Variants in RAP1GAP observed in about 807,000 individuals in gnomAD.
RAP1GAP encodes rap1 GTPase-activating protein 1.
Under a neutral mutation model 87.2 loss-of-function variants are expected in RAP1GAP, and 35 were observed. That is an observed-to-expected ratio of 0.40 (90% confidence interval 0.31 to 0.53). The LOEUF (loss-of-function observed/expected upper bound fraction) is 0.53, where lower values mean the gene tolerates loss of function less well. Ranked by LOEUF, RAP1GAP falls within the 20% of genes least tolerant of loss-of-function variation. The pLI, the probability that RAP1GAP is intolerant of heterozygous loss-of-function variation, is 0.48. For missense variants in RAP1GAP, 734 were observed against 898.9 expected (o/e 0.82, Z 2.35); for synonymous variants, 375 against 363.9 (o/e 1.03, Z -0.35).
At chr1:21,606,234 C>T (rs2074461470) in intron 17 of RAP1GAP, 37 bp from the exon 18 acceptor site, 2 of 1,554,212 alleles carry the variant, frequency 1.3e-6, no homozygotes, top group Non-Finnish European at 1.7e-6. Flanking sequence ...GCACAGGATT[C>T]CTAAGGGCCG....
chr1:21,626,843 C>G (rs554029641), intron 2 of RAP1GAP: 131 of 455,388 alleles, frequency 2.9e-4, no homozygotes, highest in Non-Finnish European at 5.1e-4. Flanking sequence ...GTGACCATAA[C>G]TGACGCTCAT....
intron 1 of RAP1GAP, among the ~76,000 whole-genome samples, chr1:21,662,351 A>AG (rs1253466222): frequency 3.3e-5 from 5 of 152,004 alleles, no homozygotes; most frequent in Non-Finnish European, 7.4e-5. Flanking sequence ...CTGTAAAACG[A>AG]GGGGGTTGGA....
chr1:21,617,928 G>A lies in RAP1GAP; in HGVS notation c.105+6C>T. ...TAAGGGTGGGCGCGGGGTTCTAGCT[G>A]AGTACCTCGTGCACGCTCGGGTATG... On this transcript the variant is annotated splice_donor_region_variant and intron_variant, in intron 6 of 24. Coordinates refer to ENST00000374765, the MANE Select transcript of RAP1GAP (RefSeq NM_002885.4). 7 of 1,614,144 alleles carry A rather than the reference G, an allele frequency of 4.3e-6. No homozygotes were observed. The highest frequency in any genetic ancestry group is 5.9e-6 in the Non-Finnish European group (7 of 1,180,014).
At chr1:21,620,725 C>T (rs747662) in intron 3 of RAP1GAP, among the ~76,000 whole-genome samples, 16 of 152,230 alleles carry the variant, frequency 1.1e-4, no homozygotes, top group South Asian at 8.3e-4. Flanking sequence ...TGGCCCGGCT[C>T]GGGGCTGGGC....
At chr1:21,604,079 C>T (rs1236036189) in intron 18 of RAP1GAP, among the ~76,000 whole-genome samples, 1 of 151,390 alleles carries the variant, frequency 6.6e-6, no homozygotes, top group East Asian at 1.9e-4. Context: ...GAGATAGGGC[C>T]GGGGAAAGGA....
intron 2 of RAP1GAP, chr1:21,626,818 C>T (rs968485672): frequency 9.0e-6 from 4 of 446,678 alleles, no homozygotes; most frequent in East Asian, 7.0e-5. Context: ...ACCGCTATTA[C>T]GAATGACAGT....
At chr1:21,652,237 C>T (rs2096636313) in intron 1 of RAP1GAP, among the ~76,000 whole-genome samples, 1 of 152,040 alleles carries the variant, frequency 6.6e-6, no homozygotes, top group Non-Finnish European at 1.5e-5. Context: ...GAGCTCCCTC[C>T]CAGAAGCCTG....
At chr1:21,655,819 C>T (rs2096836326) in intron 1 of RAP1GAP, among the ~76,000 whole-genome samples, 1 of 152,210 alleles carries the variant, frequency 6.6e-6, no homozygotes, top group Admixed American at 6.5e-5. Context: ...CTGGGTGTTC[C>T]ACCTACCTAC....
chr1:21,652,770 C>G (rs2096668263), intron 1 of RAP1GAP, among the ~76,000 whole-genome samples: 1 of 152,182 alleles, frequency 6.6e-6, no homozygotes, highest in Non-Finnish European at 1.5e-5. Context: ...TTCCCCCACC[C>G]AAGTGGAGCT....
chr1:21,650,927 C>G (rs1450443852), intron 1 of RAP1GAP, among the ~76,000 whole-genome samples: 1 of 152,092 alleles, frequency 6.6e-6, no homozygotes, highest in Non-Finnish European at 1.5e-5. Flanking sequence ...ACTGACCATG[C>G]CCACACACAA....
At chr1:21,638,187 G>A (rs1259749001) in intron 2 of RAP1GAP, among the ~76,000 whole-genome samples, 2 of 151,404 alleles carry the variant, frequency 1.3e-5, no homozygotes. Context: ...GCCGGGCATG[G>A]TGGCTCACAC....
intron 21 of RAP1GAP, 50 bp from the exon 22 acceptor site, chr1:21,598,552 C>T (rs753376449): frequency 4.2e-6 from 6 of 1,427,088 alleles, no homozygotes; most frequent in Admixed American, 3.4e-5. Flanking sequence ...GCCCTTGGCA[C>T]TGGCTAGGGC....
intron 20 of RAP1GAP, among the ~76,000 whole-genome samples, chr1:21,601,461 T>C (rs181017886): frequency 1.3e-4 from 20 of 152,366 alleles, no homozygotes; most frequent in African/African-American, 4.8e-4. Flanking sequence ...CGGGGACCTA[T>C]GCGCAGGGCA....
intron 1 of RAP1GAP, chr1:21,651,844 C>T (rs1315752969): frequency 1.7e-6 from 2 of 1,143,638 alleles, no homozygotes; most frequent in African/African-American, 1.7e-5. Flanking sequence ...CGCCGCCCGG[C>T]CCGGCCCGCG....
chr1:21,629,373 C>A (rs1162901104), intron 2 of RAP1GAP, among the ~76,000 whole-genome samples: 2 of 152,192 alleles, frequency 1.3e-5, no homozygotes, highest in Non-Finnish European at 2.9e-5. Flanking sequence ...CTTCCAGAAC[C>A]CTCTCTGCCT....
At position 21,608,853 on chromosome 1, in the gene RAP1GAP, C is replaced by T. The variant is rs769818798; in HGVS notation, c.1155G>A (p.Leu385=). The change falls in exon 16 of 25, where the codon CTG becomes CTA. Residue 385 remains leucine (L), a synonymous_variant. Transcript: ENST00000374765. ...ACYKAEKFAK[L]EERTRAALLE... ...AGCCCTCACAGCCCATCCTCACCTC[C>T]AGTTTGGCAAACTTCTCTGCCTTGT... 1 of 1,613,842 alleles carries T rather than the reference C, an allele frequency of 6.2e-7. No homozygotes were observed. The highest frequency in any genetic ancestry group is 1.7e-5 in the Admixed American group (1 of 60,026).
chr1:21,617,618 C>T, intron 6 of RAP1GAP, 127 bp from the exon 7 acceptor site: 2 of 1,124,632 alleles, frequency 1.8e-6, no homozygotes, highest in Non-Finnish European at 2.5e-6. Context: ...AGGCCAGAGC[C>T]TGTGTGGGCC....
chr1:21,665,923 A>G lies in RAP1GAP; in HGVS notation c.-149+3331T>C, dbSNP rs369385288. ...CCCAACTTCCTTTCCTTATTGGCAC[A>G]GGGCTGCCACCTCACACCTCTGACT... On this transcript the variant is annotated intron_variant, in intron 1 of 24. Coordinates refer to ENST00000374765, the MANE Select transcript of RAP1GAP (RefSeq NM_002885.4). Among the ~76,000 whole-genome samples the G allele has an allele frequency of 7.2e-5, 11 of 152,356 alleles. 1 individual carries two copies. The highest frequency in any genetic ancestry group is 2.4e-4 in the African/African-American group (10 of 41,590).
In RAP1GAP at chr1:21,603,397, G is replaced by A; in HGVS notation, c.1429-484C>T. The A allele has an allele frequency of 3.7e-6, 2 of 540,948 alleles. No homozygotes were observed. Among genetic ancestry groups the A allele is most frequent in the Non-Finnish European group, 6.6e-6 (2 of 303,080 alleles). 33.5% of individuals were successfully genotyped at this position (540,948 alleles called of 1,614,324 possible). The stretch of plus-strand genomic sequence containing the variant: ...CCCCAGCTTCCCACACACTGTGCTG[G>A]GATGCCCCAGGCCCCAGAAGCCCGC... On this transcript the variant is annotated intron_variant, in intron 18 of 24. Coordinates refer to ENST00000374765, the MANE Select transcript of RAP1GAP (RefSeq NM_002885.4). The surrounding 1 kb of genome is among the most constrained non-coding windows in gnomAD (Gnocchi z 6.0).
Sources: allele counts gnomAD v4.1 joint callset (sites outside exome capture counted in the v4.1 genomes callset), GRCh38; gene constraint gnomAD v4.1.1; non-coding constraint Gnocchi (gnomAD v3.1); transcripts MANE v1.5; gene names NCBI Gene and HGNC (gene_info 2026-07-23, HGNC 2026-07-21).